KCNAB1: variants seen among roughly 807,000 people sequenced by gnomAD.
KCNAB1 encodes potassium voltage-gated channel subfamily A regulatory beta subunit 1.
A neutral mutation model predicts 64.6 loss-of-function variants in KCNAB1; 35 were observed. The observed-to-expected ratio is 0.54, with a 90% CI of 0.41 to 0.72. The LOEUF (loss-of-function observed/expected upper bound fraction) is 0.72. Among genes scored for constraint, KCNAB1 ranks in the 30% least tolerant of loss-of-function variants. KCNAB1 has a pLI of 0.00. For missense variants in KCNAB1, 401 were observed against 512.9 expected (o/e 0.78, Z 2.11); for synonymous variants, 177 against 183.8 (o/e 0.96, Z 0.30).
At position 156,324,305 on chromosome 3, in the gene KCNAB1, A is replaced by G. The variant is rs909530549; in HGVS notation, c.276-97311A>G. Among the ~76,000 whole-genome samples, 3 of 152,138 alleles carry G rather than the reference A, an allele frequency of 2.0e-5. No homozygotes were observed. In the East Asian group the frequency reaches 5.8e-4, roughly 29 times the overall value. ...CTCACAAGCCTTTAGAGTCCAAGCT[A>G]TATTTTCTATATTAGTCTATATTAC... On this transcript the variant is annotated intron_variant, in intron 1 of 13. Transcript: ENST00000490337.
At chr3:156,486,160 C>T (rs1402352240) in intron 8 of KCNAB1, among the ~76,000 whole-genome samples, 1 of 152,088 alleles carries the variant, frequency 6.6e-6, no homozygotes, top group Admixed American at 6.6e-5. Context: ...TGTTTTAGCA[C>T]CCACCAAGGA....
intron 1 of KCNAB1, among the ~76,000 whole-genome samples, chr3:156,369,302 T>C (rs1726150996): frequency 6.6e-6 from 1 of 152,258 alleles, no homozygotes; most frequent in African/African-American, 2.4e-5. Flanking sequence ...CGGTATGATA[T>C]TCCATTGTAC....
chr3:156,399,186 C>G (rs954732085), intron 1 of KCNAB1, among the ~76,000 whole-genome samples: 1 of 152,174 alleles, frequency 6.6e-6, no homozygotes, highest in African/African-American at 2.4e-5. Flanking sequence ...ACAAGAATCT[C>G]CCAGGGGTTG....
chr3:156,389,338 G>T (rs1712848185), intron 1 of KCNAB1, among the ~76,000 whole-genome samples: 1 of 152,144 alleles, frequency 6.6e-6, no homozygotes, highest in Non-Finnish European at 1.5e-5. Context: ...GCCTTGCCAT[G>T]ACCTTGGCTC....
chr3:156,192,187 T>C (rs1713603164), intron 1 of KCNAB1, among the ~76,000 whole-genome samples: 2 of 152,214 alleles, frequency 1.3e-5, no homozygotes, highest in South Asian at 4.1e-4. Context: ...TTGTCGCCTG[T>C]AGCATGAGTT....
At chr3:156,224,218 G>C (rs1380444535) in intron 1 of KCNAB1, among the ~76,000 whole-genome samples, 1 of 152,242 alleles carries the variant, frequency 6.6e-6, no homozygotes, top group Non-Finnish European at 1.5e-5. Flanking sequence ...CGGCCGCTCT[G>C]AGTGCGGGCC....
At chr3:156,320,203 A>C (rs1722564090) in intron 1 of KCNAB1, among the ~76,000 whole-genome samples, 1 of 152,196 alleles carries the variant, frequency 6.6e-6, no homozygotes, top group African/African-American at 2.4e-5. Flanking sequence ...TCAATAATTG[A>C]GTTACCCTCA....
At chr3:156,285,667 A>G (rs569483181) in intron 1 of KCNAB1, among the ~76,000 whole-genome samples, 48 of 152,074 alleles carry the variant, frequency 3.2e-4, no homozygotes, top group Middle Eastern at 3.4e-3. Flanking sequence ...TGCCCAGCTA[A>G]TTTTTTGTAT....
intron 1 of KCNAB1, among the ~76,000 whole-genome samples, chr3:156,388,104 T>C (rs898316015): frequency 6.6e-6 from 1 of 152,206 alleles, no homozygotes; most frequent in African/African-American, 2.4e-5. Flanking sequence ...GGTCAATTTG[T>C]TCATGAAGAC....
At chr3:156,175,820 T>C in intron 1 of KCNAB1, 1 of 629,274 alleles carries the variant, frequency 1.6e-6, no homozygotes, top group Non-Finnish European at 3.0e-6. Context: ...TTATGCAGTC[T>C]GAGGTCTCAA....
intron 8 of KCNAB1, among the ~76,000 whole-genome samples, chr3:156,482,067 G>C (rs1226899199): frequency 6.6e-6 from 1 of 152,120 alleles, no homozygotes; most frequent in Non-Finnish European, 1.5e-5. Flanking sequence ...CAGGATCTGT[G>C]ATGAAGTCAT....
intron 11 of KCNAB1, among the ~76,000 whole-genome samples, chr3:156,518,334 C>T (rs1410257908): frequency 2.0e-5 from 3 of 151,954 alleles, no homozygotes; most frequent in Non-Finnish European, 4.4e-5. Context: ...TGAGTGTTTT[C>T]GGAGTAATAT....
chr3:156,446,185 T>C (rs916435211), intron 2 of KCNAB1: 2 of 152,168 alleles, frequency 1.3e-5, no homozygotes, highest in East Asian at 3.9e-4. Context: ...AAGGAGAACA[T>C]GCTCACCAGG....
At chr3:156,269,770 G>A (rs1293177412) in intron 1 of KCNAB1, among the ~76,000 whole-genome samples, 1 of 151,876 alleles carries the variant, frequency 6.6e-6, no homozygotes, top group African/African-American at 2.4e-5. Context: ...AAGTTATTTT[G>A]TCTGATACAG....
intron 1 of KCNAB1, among the ~76,000 whole-genome samples, chr3:156,385,148 C>T (rs1712491223): frequency 6.6e-6 from 1 of 152,070 alleles, no homozygotes; most frequent in Non-Finnish European, 1.5e-5. Context: ...AGTCAGAGTA[C>T]CTTTAGGGCT....
chr3:156,472,740 C>A (rs181992094), intron 7 of KCNAB1, among the ~76,000 whole-genome samples: 1,621 of 152,302 alleles, frequency 0.011, 15 homozygotes, highest in South Asian at 0.03. Context: ...GAACAAGGAA[C>A]CTGTGCCAAT....
At chr3:156,524,136 T>C in intron 12 of KCNAB1, 189 bp downstream of exon 12, 1 of 540,958 alleles carries the variant, frequency 1.8e-6, no homozygotes, top group Non-Finnish European at 3.2e-6. Context: ...TGATAGCAAA[T>C]TTTTCTTACT....
At chr3:156,512,409 T>TTAAG (rs1371317133) in intron 8 of KCNAB1, among the ~76,000 whole-genome samples, 2 of 152,130 alleles carry the variant, frequency 1.3e-5, no homozygotes, top group Admixed American at 1.3e-4. Flanking sequence ...AGAGACAGAG[T>TTAAG]TAAGGGAGAG....
chr3:156,158,948 G>A (rs562397488), intron 1 of KCNAB1, among the ~76,000 whole-genome samples: 1 of 152,272 alleles, frequency 6.6e-6, no homozygotes, highest in African/African-American at 2.4e-5. Flanking sequence ...GAGAGAAGCT[G>A]AATGACTTCT....
Sources: allele counts gnomAD v4.1 joint callset (sites outside exome capture counted in the v4.1 genomes callset), GRCh38; gene constraint gnomAD v4.1.1; transcripts MANE v1.5; gene names NCBI Gene and HGNC (gene_info 2026-07-23, HGNC 2026-07-21).